Variants in PNPLA6 observed in about 807,000 individuals in gnomAD.
PNPLA6 encodes the protein patatin-like phospholipase domain-containing protein 6.
In PNPLA6, 105 loss-of-function variants were observed where a neutral mutation model predicts 153.7. That is an observed-to-expected ratio of 0.68 (90% CI 0.58 to 0.80). The LOEUF (loss-of-function observed/expected upper bound fraction) is 0.80, where lower values mean the gene tolerates loss of function less well. PNPLA6 is among the 30% of genes least tolerant of loss of function. PNPLA6 has a pLI of 0.00. For missense variants in PNPLA6, 1,423 were observed against 1,919.3 expected, an observed-to-expected ratio of 0.74 and a Z score of 4.83; for synonymous variants, 825 against 822.2, an observed-to-expected ratio of 1.00 and a Z score of -0.06.
chr19:7,560,313 G>T (rs1055797629), intron 28 of PNPLA6, among the ~76,000 whole-genome samples: 35 of 152,190 alleles, frequency 2.3e-4, no homozygotes, highest in African/African-American at 7.5e-4. Flanking sequence ...GATGTTTGCT[G>T]TGGGCTTGGG....
In PNPLA6 at chr19:7,540,615, T is replaced by A; in HGVS notation, c.715-15T>A. The A allele has an allele frequency of 6.2e-7, 1 of 1,604,706 alleles. No individual in the cohort carries two copies. On this transcript the variant is annotated splice_polypyrimidine_tract_variant and intron_variant, in intron 5 of 31. Coordinates refer to ENST00000600737, the MANE Select transcript of PNPLA6 (RefSeq NM_001166114.2). The surrounding 1 kb of genome is among the most constrained non-coding windows in gnomAD (Gnocchi z 6.8). ...GGGCGAGGCCACTGAGGGTCCACGG[T>A]CTCCTGTGTCTCAGGACGGGAAGGA...
At chr19:7,547,547 T>G (rs2023434561) in intron 13 of PNPLA6, among the ~76,000 whole-genome samples, 1 of 152,206 alleles carries the variant, frequency 6.6e-6, no homozygotes. Context: ...TTGCCCAGGC[T>G]GGTCTCCAAC....
intron 27 of PNPLA6, 41 bp from the exon 28 acceptor site, chr19:7,558,809 C>G: frequency 6.6e-7 from 1 of 1,515,292 alleles, no homozygotes; most frequent in Non-Finnish European, 9.0e-7. Flanking sequence ...CTGCCCCGGG[C>G]CCCCGAGGGG....
rs778017248 is a variant in PNPLA6, at chr19:7,536,477, A to AT, written c.345dup (p.Thr116TyrfsTer47). 1.9e-6 allele frequency: 3 copies of AT among 1,613,876 alleles called. No individual in the cohort carries two copies. The highest frequency in any genetic ancestry group is 2.5e-6 in the Non-Finnish European group (3 of 1,179,780). ...TCACAATCCACCTCCTCCCTCGTGGATACCTCTGTCTCCGCCACCTCCCGG... is the reference window on the plus strand; with the variant it reads ...TCACAATCCACCTCCTCCCTCGTGGATTACCTCTGTCTCCGCCACCTCCCGG... On this transcript the variant is annotated frameshift_variant, in exon 3 of 32. Coordinates refer to ENST00000600737, the MANE Select transcript of PNPLA6 (RefSeq NM_001166114.2). LOFTEE classifies it high-confidence loss of function.
rs1046679179 is a variant in PNPLA6 at position 7,554,138 on chromosome 19, T to C, written c.2402-71T>C. 2.7e-5 allele frequency: 42 copies of C among 1,573,596 alleles called. No individual in the cohort carries two copies. In the East Asian group the frequency reaches 7.4e-4, roughly 28 times the overall value. ...AGGGCCACAGGGGCGGGGTAATGGGTATTCTTTTCTGAGTTAGGCCCCAGC... is the reference window on the plus strand; with the variant it reads ...AGGGCCACAGGGGCGGGGTAATGGGCATTCTTTTCTGAGTTAGGCCCCAGC... On this transcript the variant is annotated intron_variant, in intron 19 of 31. Coordinates refer to ENST00000600737, the MANE Select transcript of PNPLA6 (RefSeq NM_001166114.2).
rs969612307 is a variant in PNPLA6 at position 7,540,835 on chromosome 19, G to A, written c.796-88G>A. 6.3e-7 allele frequency: 1 copy of A among 1,590,764 alleles called. No homozygotes were observed. Among genetic ancestry groups the A allele is most frequent in the South Asian group, 1.1e-5 (1 of 90,552 alleles). ...CGTTATGCTGCCGATGGCCCCTCACGGGACTGGCGCCAGGAAGGATTAGGG... is the reference window on the plus strand; with the variant it reads ...CGTTATGCTGCCGATGGCCCCTCACAGGACTGGCGCCAGGAAGGATTAGGG... On this transcript the variant is annotated intron_variant, in intron 6 of 31. Transcript: ENST00000600737. This position sits in a 1 kb window ranked among gnomAD's most constrained non-coding sequence, Gnocchi z 6.8.
Position 7,558,838 on chromosome 19 carries a change from C to CT in PNPLA6, c.3398-11dup. The stretch of plus-strand genomic sequence containing the variant: ...CGAGGGGAGCAGCCCGCTGACCCCC[C>CT]TGGCCCCACAGCGGACATCGCCCGC... On this transcript the variant is annotated splice_polypyrimidine_tract_variant and intron_variant, in intron 27 of 31. Coordinates refer to ENST00000600737, the MANE Select transcript of PNPLA6 (RefSeq NM_001166114.2). The CT allele has an allele frequency of 6.2e-7, 1 of 1,601,606 alleles. No individual in the cohort carries two copies. Among genetic ancestry groups the CT allele is most frequent in the Non-Finnish European group, 8.5e-7 (1 of 1,178,240 alleles).
intron 3 of PNPLA6, 47 bp from the exon 4 acceptor site, chr19:7,539,871 C>T (rs1380762636): frequency 4.5e-6 from 6 of 1,342,780 alleles, no homozygotes; most frequent in East Asian, 2.5e-5. Context: ...TTTGCCTGAG[C>T]CTTCTCCGTG....
At chr19:7,557,145 T>C (rs1241509850) in intron 26 of PNPLA6, 23 bp from the exon 27 acceptor site, 2 of 1,555,438 alleles carry the variant, frequency 1.3e-6, no homozygotes, top group Admixed American at 3.3e-5. Context: ...TGCGTGTTTG[T>C]GTCTGTGTGT....
chr19:7,561,349 T>C (rs2024092800), intron 31 of PNPLA6, 32 bp downstream of exon 31: 2 of 1,511,566 alleles, frequency 1.3e-6, no homozygotes, highest in African/African-American at 2.7e-5. Flanking sequence ...TCCCCTCACA[T>C]CCCCCAGAGG....
At chr19:7,537,830 C>T (rs941385603) in intron 3 of PNPLA6, among the ~76,000 whole-genome samples, 9 of 151,960 alleles carry the variant, frequency 5.9e-5, no homozygotes, top group Non-Finnish European at 7.4e-5. Context: ...TTAGTAGAGA[C>T]GGGGTTTCAC....
At position 7,541,570 on chromosome 19, in the gene PNPLA6, A is replaced by T. The variant is rs751885710; in HGVS notation, c.1054A>T (p.Thr352Ser). Reference sequence around the variant, plus strand: ...CCCCAGCCCCGGCCTCCCAACTCGCACCAGCCCTGTGCGGGGCTCCAAGAG... The same window carrying T: ...CCCCAGCCCCGGCCTCCCAACTCGCTCCAGCCCTGTGCGGGGCTCCAAGAG... The part of the protein sequence containing the change: ...LFPSPGLPTR[T>S]SPVRGSKRMV... The change falls in exon 9 of 32, where the codon ACC becomes TCC. Residue 352 changes from threonine (T) to serine (S), a missense_variant. By Grantham distance (58) the Thr-to-Ser change is moderately conservative. Transcript: ENST00000600737. The surrounding 1 kb of genome is among the most constrained non-coding windows in gnomAD (Gnocchi z 5.2). 1.9e-6 allele frequency: 3 copies of T among 1,599,484 alleles called. No homozygotes were observed. Among genetic ancestry groups the T allele is most frequent in the Non-Finnish European group, 2.6e-6 (3 of 1,173,288 alleles).
At chr19:7,535,388 G>C, upstream of PNPLA6, 1 of 774,400 alleles carries the variant, frequency 1.3e-6, no homozygotes, top group Non-Finnish European at 2.2e-6. This position sits in a 1 kb window ranked among gnomAD's most constrained non-coding sequence, Gnocchi z 5.0. Flanking sequence ...CTGGCAGCTG[G>C]AGACGCTTCC....
Position 7,540,361 on chromosome 19 carries a change from C to T in PNPLA6, c.714+53C>T, listed in dbSNP as rs577820446. The T allele has an allele frequency of 7.5e-5, 116 of 1,555,642 alleles. No homozygotes were observed. Among genetic ancestry groups the T allele is most frequent in the African/African-American group, 4.4e-4 (33 of 74,264 alleles). ...CAGGAGGATGGGTGGTGGGGATGGG[C>T]AGCAGGCATTGGTCTGTAGAGCTGG... On this transcript the variant is annotated intron_variant, in intron 5 of 31. Coordinates refer to ENST00000600737, the MANE Select transcript of PNPLA6 (RefSeq NM_001166114.2). The surrounding 1 kb of genome is among the most constrained non-coding windows in gnomAD (Gnocchi z 6.8).
At chr19:7,550,451 T>C (rs2023593159) in intron 15 of PNPLA6, 22 bp downstream of exon 15, 1 of 1,611,832 alleles carries the variant, frequency 6.2e-7, no homozygotes, top group South Asian at 1.1e-5. Flanking sequence ...ACCGCGCTGC[T>C]CAGGCCCGGC....
At position 7,542,999 on chromosome 19, in the gene PNPLA6, C is replaced by T. The variant is rs2146061912; in HGVS notation, c.1531-8C>T. ...GCTGCGCCCATCTCAACCCCCCTAC[C>T]TCCCCAGGACCCCTCCCTCCTGAAC... On this transcript the variant is annotated splice_polypyrimidine_tract_variant and splice_region_variant and intron_variant, in intron 12 of 31. Coordinates refer to ENST00000600737, the MANE Select transcript of PNPLA6 (RefSeq NM_001166114.2). The T allele has an allele frequency of 1.2e-6, 2 of 1,613,962 alleles. No homozygotes were observed. The highest frequency in any genetic ancestry group is 1.3e-5 in the African/African-American group (1 of 75,040).
At chr19:7,535,670 G>A, upstream of PNPLA6, 1 of 1,535,920 alleles carries the variant, frequency 6.5e-7, no homozygotes, top group Non-Finnish European at 8.8e-7. The surrounding 1 kb of genome is among the most constrained non-coding windows in gnomAD (Gnocchi z 5.0). Context: ...ACGTGGTCTG[G>A]CGATAACGCG....
chr19:7,548,746 TATATAG>T (rs2023498608), intron 13 of PNPLA6, among the ~76,000 whole-genome samples: 1 of 150,676 alleles, frequency 6.6e-6, no homozygotes, highest in African/African-American at 2.5e-5. Flanking sequence ...CACACATATA[TATATAG>T]AGAGAGAGAT....
At chr19:7,550,161 C>T (rs756107952) in intron 14 of PNPLA6, 49 bp downstream of exon 14, 13 of 1,609,246 alleles carry the variant, frequency 8.1e-6, no homozygotes, top group Non-Finnish European at 1.1e-5. Context: ...AGGACCCCAA[C>T]CCGTGGGAGT....
Sources: gnomAD v4.1 joint callset for allele counts (sites outside exome capture counted in the v4.1 genomes callset) on GRCh38, gnomAD v4.1.1 for gene constraint, Gnocchi (gnomAD v3.1) non-coding constraint, MANE v1.5 for transcripts, NCBI Gene and HGNC (gene_info 2026-07-23, HGNC 2026-07-21) for gene names.